ERG: variants seen among roughly 807,000 people sequenced by gnomAD.
ERG encodes ETS transcription factor ERG.
ERG carries 9 observed loss-of-function variants against 55.3 expected under a neutral mutation model. The ratio of observed to expected loss-of-function variants is 0.16; its 90% CI spans 0.10 to 0.28. The LOEUF (loss-of-function observed/expected upper bound fraction) is 0.28, where lower values mean the gene tolerates loss of function less well. Among genes scored for constraint, ERG ranks in the 10% least tolerant of loss-of-function variants. The probability of loss-of-function intolerance (pLI) is 1.00; values close to 1 mark genes in which losing one functional copy is unlikely to be tolerated. For synonymous variants in ERG, 223 were observed against 237.3 expected (o/e 0.94, Z 0.55); for missense variants, 434 against 631.6 (o/e 0.69, Z 3.35).
At chr21:38,644,658 C>A (rs1432743649) in intron 1 of ERG, among the ~76,000 whole-genome samples, 1 of 152,000 alleles carries the variant, frequency 6.6e-6, no homozygotes, top group Non-Finnish European at 1.5e-5. Context: ...AAGGTTATCA[C>A]AATATTTACA....
intron 2 of ERG, among the ~76,000 whole-genome samples, chr21:38,563,253 C>T (rs1011370750): frequency 4.6e-5 from 7 of 152,180 alleles, no homozygotes; most frequent in Admixed American, 6.5e-5. Flanking sequence ...CAAGGGTATA[C>T]GGTGTTTATA....
At chr21:38,533,485 C>T (rs182929592) in intron 2 of ERG, among the ~76,000 whole-genome samples, 8 of 152,224 alleles carry the variant, frequency 5.3e-5, no homozygotes, top group South Asian at 2.1e-4. Flanking sequence ...GCCAATGGAA[C>T]GTTGTGCCTT....
intron 1 of ERG, among the ~76,000 whole-genome samples, chr21:38,621,984 G>A (rs1037773845): frequency 1.3e-5 from 2 of 152,338 alleles, no homozygotes; most frequent in Middle Eastern, 3.4e-3. Flanking sequence ...GTAAACACAC[G>A]CAGCTGCTCA....
intron 2 of ERG, among the ~76,000 whole-genome samples, chr21:38,434,844 T>C (rs1172763608): frequency 1.3e-5 from 2 of 152,182 alleles, no homozygotes; most frequent in Non-Finnish European, 2.9e-5. Flanking sequence ...CATGCGTGTA[T>C]GTGGGTGTAA....
At chr21:38,613,868 G>A (rs1224968860) in intron 1 of ERG, among the ~76,000 whole-genome samples, 2 of 152,062 alleles carry the variant, frequency 1.3e-5, no homozygotes, top group Middle Eastern at 3.4e-3. Flanking sequence ...CTCTTCAGCC[G>A]GCCCCTGCCC....
At chr21:38,555,561 T>A (rs1415544040) in intron 2 of ERG, among the ~76,000 whole-genome samples, 1 of 152,170 alleles carries the variant, frequency 6.6e-6, no homozygotes, top group Non-Finnish European at 1.5e-5. Context: ...CATAATTTTC[T>A]TTGTTCAGTT....
intron 1 of ERG, among the ~76,000 whole-genome samples, chr21:38,618,830 T>G (rs2060273743): frequency 6.6e-6 from 1 of 152,226 alleles, no homozygotes; most frequent in Non-Finnish European, 1.5e-5. Flanking sequence ...GACAACTTTG[T>G]GCCTCTGTTT....
intron 9 of ERG, among the ~76,000 whole-genome samples, chr21:38,389,092 T>C (rs1017217578): frequency 6.6e-6 from 1 of 152,236 alleles, no homozygotes; most frequent in African/African-American, 2.4e-5. Context: ...CCTAAGCAGT[T>C]ATGACCCTGA....
intron 2 of ERG, among the ~76,000 whole-genome samples, chr21:38,514,069 A>C (rs2059533890): frequency 6.6e-6 from 1 of 151,994 alleles, no homozygotes; most frequent in Non-Finnish European, 1.5e-5. Flanking sequence ...CAAAACTGTC[A>C]AAAGAAAAAA....
At chr21:38,632,239 A>T (rs1261043800) in intron 1 of ERG, among the ~76,000 whole-genome samples, 3 of 152,200 alleles carry the variant, frequency 2.0e-5, no homozygotes, top group East Asian at 3.9e-4. Context: ...CATCCTCATT[A>T]AAAAAATGGT....
chr21:38,370,115 C>G, the ERG span, among the ~76,000 whole-genome samples: 16 of 151,928 alleles, frequency 1.1e-4, no homozygotes, highest in Middle Eastern at 3.4e-3. Flanking sequence ...TTTTTCATAT[C>G]AGACTTTTTA....
Position 38,492,903 on chromosome 21 carries a change from A to G in ERG, c.18+5460T>C, listed in dbSNP as rs188714315. Reference sequence around the variant, plus strand: ...AAACAAAAAAATGTAATGAAATACTAAAATTAAAGAAGTACAAATAAAAAT... The same window carrying G: ...AAACAAAAAAATGTAATGAAATACTGAAATTAAAGAAGTACAAATAAAAAT... On this transcript the variant is annotated intron_variant, in intron 1 of 9. Transcript: ENST00000288319. 3.3e-3 allele frequency among the ~76,000 whole-genome samples: 497 copies of G among 152,354 alleles called. 6 individuals carry two copies. Among genetic ancestry groups the G allele is most frequent in the Middle Eastern group, 3.4e-3 (1 of 294 alleles).
chr21:38,513,914 T>C (rs766820211), intron 2 of ERG, among the ~76,000 whole-genome samples: 10 of 151,742 alleles, frequency 6.6e-5, no homozygotes, highest in Non-Finnish European at 1.5e-4. Context: ...AGAGGGAAGG[T>C]TAAAATAACC....
chr21:38,622,434 A>C (rs556471144), intron 1 of ERG, among the ~76,000 whole-genome samples: 90 of 146,434 alleles, frequency 6.1e-4, no homozygotes, highest in East Asian at 4.1e-3. Flanking sequence ...ACACACACAC[A>C]CCCCCCACAC....
At chr21:38,457,546 A>C (rs950179341) in intron 1 of ERG, among the ~76,000 whole-genome samples, 1 of 152,188 alleles carries the variant, frequency 6.6e-6, no homozygotes, top group African/African-American at 2.4e-5. Context: ...TGACGTGTAC[A>C]CAGAGTCTAA....
At chr21:38,501,406 C>T (rs776500629), upstream of ERG, among the ~76,000 whole-genome samples, 1 of 152,012 alleles carries the variant, frequency 6.6e-6, no homozygotes, top group African/African-American at 2.4e-5. Context: ...GTGCAGAAAC[C>T]GTTTCCCAAA....
intron 2 of ERG, among the ~76,000 whole-genome samples, chr21:38,539,142 A>T (rs2059733127): frequency 2.0e-5 from 3 of 152,236 alleles, no homozygotes; most frequent in African/African-American, 7.2e-5. Flanking sequence ...GATGTTTATC[A>T]TTCTTCACCT....
At chr21:38,653,813 T>G (rs991632376) in intron 1 of ERG, among the ~76,000 whole-genome samples, 1 of 152,240 alleles carries the variant, frequency 6.6e-6, no homozygotes, top group Admixed American at 6.5e-5. Context: ...TGCTCTCATT[T>G]AATAGATGCT....
At chr21:38,391,140 T>A in intron 8 of ERG, 98 bp from the exon 9 acceptor site, 1 of 1,041,672 alleles carries the variant, frequency 9.6e-7, no homozygotes, top group Non-Finnish European at 1.5e-6. Context: ...TTTTTCAGAT[T>A]TCAGAGCCGA....
Sources: allele counts gnomAD v4.1 joint callset (sites outside exome capture counted in the v4.1 genomes callset), GRCh38; gene constraint gnomAD v4.1.1; transcripts MANE v1.5; gene names NCBI Gene and HGNC (gene_info 2026-07-23, HGNC 2026-07-21).